Variants in FBXL7 observed in about 807,000 individuals in gnomAD.
FBXL7 encodes the protein F-box/LRR-repeat protein 7.
In FBXL7, 12 loss-of-function variants were observed where a neutral mutation model predicts 38.3. The observed-to-expected ratio is 0.31, with a 90% CI of 0.20 to 0.51. The LOEUF is 0.51. FBXL7 is among the 20% of genes least tolerant of loss of function. FBXL7 has a pLI of 0.98. For synonymous variants in FBXL7, 297 were observed against 300.9 expected, an observed-to-expected ratio of 0.99 and a Z score of 0.13; for missense variants, 567 against 676.4, an observed-to-expected ratio of 0.84 and a Z score of 1.79.
At chr5:15,746,038 C>T (rs1025569472) in intron 2 of FBXL7, among the ~76,000 whole-genome samples, 8 of 152,024 alleles carry the variant, frequency 5.3e-5, no homozygotes, top group African/African-American at 1.7e-4. Flanking sequence ...AGAAGTGGTT[C>T]GGTCTGTGAT....
chr5:15,918,484 A>G (rs1321958122), intron 2 of FBXL7, among the ~76,000 whole-genome samples: 1 of 152,216 alleles, frequency 6.6e-6, no homozygotes, highest in Non-Finnish European at 1.5e-5. Context: ...TTTCATTGAT[A>G]TACTTATGGA....
chr5:15,582,994 C>A (rs1166075766), intron 1 of FBXL7, among the ~76,000 whole-genome samples: 2 of 148,638 alleles, frequency 1.3e-5, no homozygotes, highest in Non-Finnish European at 3.0e-5. Flanking sequence ...CTATAAAGAA[C>A]TTCCCTGAGA....
intron 2 of FBXL7, among the ~76,000 whole-genome samples, chr5:15,798,218 T>A (rs566051460): frequency 6.6e-6 from 1 of 152,170 alleles, no homozygotes; most frequent in African/African-American, 2.4e-5. Flanking sequence ...AGCAAACATA[T>A]CTGTCTTGAA....
chr5:15,708,595 G>T (rs1159805412), intron 2 of FBXL7, among the ~76,000 whole-genome samples: 1 of 152,186 alleles, frequency 6.6e-6, no homozygotes, highest in Non-Finnish European at 1.5e-5. Flanking sequence ...TTCAGGGAAT[G>T]AATAATCAAC....
At chr5:15,561,344 T>C (rs1023403786) in intron 1 of FBXL7, among the ~76,000 whole-genome samples, 1 of 152,186 alleles carries the variant, frequency 6.6e-6, no homozygotes. Context: ...ATGGGTTATT[T>C]CATTTAAATA....
intron 2 of FBXL7, among the ~76,000 whole-genome samples, chr5:15,664,586 C>T (rs894367567): frequency 2.2e-4 from 33 of 150,858 alleles, no homozygotes; most frequent in Admixed American, 1.7e-3. Flanking sequence ...GTTCTCCTGC[C>T]TCAGCCTCCC....
At chr5:15,889,250 T>C (rs1450342788) in intron 2 of FBXL7, among the ~76,000 whole-genome samples, 1 of 152,192 alleles carries the variant, frequency 6.6e-6, no homozygotes, top group Non-Finnish European at 1.5e-5. Context: ...ATTCACAGGC[T>C]GAGAGATCAT....
intron 2 of FBXL7, among the ~76,000 whole-genome samples, chr5:15,774,602 T>C (rs1736813786): frequency 6.6e-6 from 1 of 152,260 alleles, no homozygotes; most frequent in Non-Finnish European, 1.5e-5. Flanking sequence ...CCTGTCCTGA[T>C]AAATTGGTCA....
chr5:15,873,086 A>G (rs372899459), intron 2 of FBXL7, among the ~76,000 whole-genome samples: 4 of 152,356 alleles, frequency 2.6e-5, no homozygotes, highest in East Asian at 1.9e-4. Context: ...AGAGTCTGTC[A>G]GTCCACAGTG....
chr5:15,670,764 G>A (rs1296170423), intron 2 of FBXL7, among the ~76,000 whole-genome samples: 1 of 151,602 alleles, frequency 6.6e-6, no homozygotes, highest in Non-Finnish European at 1.5e-5. Flanking sequence ...TCATGCCACT[G>A]CACTTCAGCC....
At position 15,798,954 on chromosome 5, in the gene FBXL7, G is replaced by T. The variant is rs578005772; in HGVS notation, c.128-128936G>T. 4.6e-5 allele frequency among the ~76,000 whole-genome samples: 7 copies of T among 152,320 alleles called. No homozygotes were observed. In the East Asian group the frequency reaches 1.4e-3, roughly 29 times the overall value. On this transcript the variant is annotated intron_variant, in intron 2 of 3. Transcript: ENST00000504595. Reference sequence around the variant, plus strand: ...CAGTGCAATGATATCCAGGCAGTTGGCAGTACCACGTGGTGCATTGACACA... The same window carrying T: ...CAGTGCAATGATATCCAGGCAGTTGTCAGTACCACGTGGTGCATTGACACA...
At chr5:15,871,298 C>T (rs1300321780) in intron 2 of FBXL7, among the ~76,000 whole-genome samples, 1 of 152,156 alleles carries the variant, frequency 6.6e-6, no homozygotes, top group Non-Finnish European at 1.5e-5. Flanking sequence ...ATCCAAAGGT[C>T]ACCAACACCA....
At chr5:15,640,602 C>G (rs989241569) in intron 2 of FBXL7, among the ~76,000 whole-genome samples, 14 of 151,648 alleles carry the variant, frequency 9.2e-5, no homozygotes, top group Admixed American at 8.5e-4. Context: ...GGGCTCACTG[C>G]ATCCTCCACC....
At chr5:15,805,935 A>T (rs759705643) in intron 2 of FBXL7, among the ~76,000 whole-genome samples, 27 of 152,230 alleles carry the variant, frequency 1.8e-4, no homozygotes, top group Non-Finnish European at 4.0e-4. Flanking sequence ...ATGAATAAAG[A>T]GGAAGAAAAA....
intron 2 of FBXL7, among the ~76,000 whole-genome samples, chr5:15,683,707 T>G (rs113744069): frequency 6.6e-6 from 1 of 152,112 alleles, no homozygotes; most frequent in African/African-American, 2.4e-5. Flanking sequence ...GAGAGCTAAG[T>G]AGTTTAGACC....
intron 1 of FBXL7, among the ~76,000 whole-genome samples, chr5:15,567,554 C>A (rs535837687): frequency 6.6e-6 from 1 of 151,636 alleles, no homozygotes; most frequent in Non-Finnish European, 1.5e-5. Flanking sequence ...TCACTGAGAA[C>A]CTTTTGCCCT....
At chr5:15,807,383 T>C (rs1248257569) in intron 2 of FBXL7, among the ~76,000 whole-genome samples, 1 of 152,152 alleles carries the variant, frequency 6.6e-6, no homozygotes, top group Non-Finnish European at 1.5e-5. Context: ...TTCTGACCCA[T>C]TGTGCCGTGT....
intron 2 of FBXL7, among the ~76,000 whole-genome samples, chr5:15,645,743 A>G (rs1290491230): frequency 1.3e-5 from 2 of 152,336 alleles, no homozygotes; most frequent in East Asian, 3.9e-4. Flanking sequence ...GAAAAGTATC[A>G]TTGTAACTCT....
At chr5:15,701,970 G>T (rs1397458357) in intron 2 of FBXL7, among the ~76,000 whole-genome samples, 1 of 152,188 alleles carries the variant, frequency 6.6e-6, no homozygotes, top group East Asian at 1.9e-4. Context: ...CAGGTGCGGT[G>T]GTTCACGCCT....
Sources: gnomAD v4.1 joint callset for allele counts (sites outside exome capture counted in the v4.1 genomes callset) on GRCh38, gnomAD v4.1.1 for gene constraint, MANE v1.5 for transcripts, NCBI Gene and HGNC (gene_info 2026-07-23, HGNC 2026-07-21) for gene names.